ADAM12: variants seen among roughly 807,000 people sequenced by gnomAD.
ADAM12 encodes the protein ADAM metallopeptidase domain 12.
Under a neutral mutation model 106.4 loss-of-function variants are expected in ADAM12, and 70 were observed. That is an observed-to-expected ratio of 0.66 (90% CI 0.54 to 0.80). The LOEUF (loss-of-function observed/expected upper bound fraction) is 0.80, where lower values mean the gene tolerates loss of function less well. ADAM12 is among the 30% of genes least tolerant of loss of function. ADAM12 has a pLI of 0.00. For synonymous variants in ADAM12, 420 were observed against 433.5 expected, an observed-to-expected ratio of 0.97 and a Z score of 0.39; for missense variants, 1,010 against 1,171.9, an observed-to-expected ratio of 0.86 and a Z score of 2.02.
chr10:126,381,338 T>C (rs974029095), intron 1 of ADAM12, among the ~76,000 whole-genome samples: 1 of 152,084 alleles, frequency 6.6e-6, no homozygotes, highest in East Asian at 1.9e-4. Context: ...AAGGGAATAA[T>C]TGTAATAACA....
chr10:126,228,113 G>A (rs1958236205), intron 3 of ADAM12, among the ~76,000 whole-genome samples: 1 of 152,182 alleles, frequency 6.6e-6, no homozygotes, highest in Admixed American at 6.5e-5. Context: ...TAGGACATCT[G>A]ATGGGGAAGC....
At chr10:126,139,909 A>G (rs1956479151) in intron 4 of ADAM12, among the ~76,000 whole-genome samples, 1 of 150,806 alleles carries the variant, frequency 6.6e-6, no homozygotes, top group Non-Finnish European at 1.5e-5. Flanking sequence ...ATTAACTCTT[A>G]GTTGGGTATG....
At chr10:126,311,045 C>T (rs1233901415) in intron 2 of ADAM12, among the ~76,000 whole-genome samples, 1 of 150,956 alleles carries the variant, frequency 6.6e-6, no homozygotes, top group African/African-American at 2.4e-5. Context: ...AATCTCCTGC[C>T]CACCTTTTTA....
At chr10:126,195,229 A>T (rs1437870684) in intron 3 of ADAM12, among the ~76,000 whole-genome samples, 1 of 152,184 alleles carries the variant, frequency 6.6e-6, no homozygotes, top group East Asian at 1.9e-4. Flanking sequence ...AAAATTGCTA[A>T]AAGAATAGAT....
Position 126,043,433 on chromosome 10 carries a change from C to T in ADAM12, c.1996-285G>A, listed in dbSNP as rs980788256. Among the ~76,000 whole-genome samples, 2 of 152,178 alleles carry T rather than the reference C, an allele frequency of 1.3e-5. No individual in the cohort carries two copies. Among genetic ancestry groups the T allele is most frequent in the Non-Finnish European group, 2.9e-5 (2 of 68,026 alleles). On this transcript the variant is annotated intron_variant, in intron 17 of 22. Transcript: ENST00000448723. This position sits in a 1 kb window ranked among gnomAD's most constrained non-coding sequence, Gnocchi z 4.1. ...CCTCCCCCACCCACCTCACTTCCTT[C>T]TCCATCTCCCCATCTTCCTTTTTCA...
At chr10:126,042,344 G>A in intron 18 of ADAM12, 1 of 1,421,294 alleles carries the variant, frequency 7.0e-7, no homozygotes, top group Non-Finnish European at 9.4e-7. Context: ...CATCCGAGGA[G>A]AAATGGCCAC....
intron 2 of ADAM12, among the ~76,000 whole-genome samples, chr10:126,306,570 G>T (rs377658288): frequency 1.3e-5 from 2 of 152,082 alleles, no homozygotes; most frequent in East Asian, 3.9e-4. Context: ...TGTTAGAGAC[G>T]AATTTTATCA....
At chr10:126,122,654 G>A (rs1342689606) in intron 5 of ADAM12, among the ~76,000 whole-genome samples, 3 of 152,142 alleles carry the variant, frequency 2.0e-5, no homozygotes, top group Non-Finnish European at 4.4e-5. Context: ...CCAGCTACTT[G>A]GGAGGCTGAT....
At chr10:126,142,179 G>T (rs1347318146) in intron 4 of ADAM12, among the ~76,000 whole-genome samples, 1 of 152,124 alleles carries the variant, frequency 6.6e-6, no homozygotes, top group East Asian at 1.9e-4. Context: ...CGGTCAGGGA[G>T]ACCCTAATCC....
intron 21 of ADAM12, among the ~76,000 whole-genome samples, chr10:126,034,030 C>T (rs1464667258): frequency 6.6e-6 from 1 of 152,158 alleles, no homozygotes; most frequent in Non-Finnish European, 1.5e-5. Context: ...AGCAAAATTA[C>T]AACATCTGCA....
chr10:126,333,855 G>T (rs1323403409), intron 1 of ADAM12, among the ~76,000 whole-genome samples: 1 of 152,190 alleles, frequency 6.6e-6, no homozygotes, highest in African/African-American at 2.4e-5. Context: ...ATTCGAAGGA[G>T]AATTTAGAAG....
At chr10:126,096,796 GGAT>G (rs1322086112) in intron 10 of ADAM12, among the ~76,000 whole-genome samples, 68 of 152,320 alleles carry the variant, frequency 4.5e-4, no homozygotes, top group African/African-American at 1.6e-3. Context: ...GTGTGTCTAA[GGAT>G]GATGTTAACT....
rs545531518 is a variant in ADAM12 at position 126,337,215 on chromosome 10, T to C, written c.89-6706A>G. Among the ~76,000 whole-genome samples the C allele has an allele frequency of 3.3e-5, 5 of 152,286 alleles. No individual in the cohort carries two copies. In the East Asian group the frequency reaches 7.7e-4, roughly 24 times the overall value. On this transcript the variant is annotated intron_variant, in intron 1 of 22. Transcript: ENST00000448723. ...GCCTCAAAACCAGGGAAGCCAACAG[T>C]GCAGCCTTCAGTCTGCAGCCAAAGG...
chr10:126,030,753 G>T (rs1020040103), intron 21 of ADAM12, among the ~76,000 whole-genome samples: 1 of 152,182 alleles, frequency 6.6e-6, no homozygotes, highest in Admixed American at 6.6e-5. Context: ...TGATGCCAAA[G>T]AAAGTTCAGC....
At chr10:126,041,032 T>A (rs926540528) in intron 18 of ADAM12, among the ~76,000 whole-genome samples, 2 of 152,136 alleles carry the variant, frequency 1.3e-5, no homozygotes, top group African/African-American at 4.8e-5. Context: ...TCAGAATGCA[T>A]GTTTCCCTCG....
chr10:126,242,530 C>T (rs1278422353), intron 3 of ADAM12, among the ~76,000 whole-genome samples: 1 of 152,188 alleles, frequency 6.6e-6, no homozygotes, highest in Non-Finnish European at 1.5e-5. Flanking sequence ...GGTTACTTCC[C>T]TTCCATGAGA....
chr10:126,260,011 T>A (rs1235169664), intron 3 of ADAM12, among the ~76,000 whole-genome samples: 1 of 152,204 alleles, frequency 6.6e-6, no homozygotes, highest in Non-Finnish European at 1.5e-5. Flanking sequence ...GCTGGGATGA[T>A]CTCCCAGAGG....
chr10:126,215,048 G>A (rs963330245), intron 3 of ADAM12, among the ~76,000 whole-genome samples: 2 of 152,292 alleles, frequency 1.3e-5, no homozygotes, highest in Middle Eastern at 3.4e-3. Context: ...CCTGGGGCTG[G>A]CTTTGGAGGT....
intron 3 of ADAM12, among the ~76,000 whole-genome samples, chr10:126,247,712 A>G (rs571415876): frequency 3.9e-4 from 60 of 152,344 alleles, no homozygotes; most frequent in Non-Finnish European, 7.4e-4. Flanking sequence ...TTTTGGTAAT[A>G]GTAAAAATGT....
Sources: allele counts gnomAD v4.1 joint callset (sites outside exome capture counted in the v4.1 genomes callset), GRCh38; gene constraint gnomAD v4.1.1; non-coding constraint Gnocchi (gnomAD v3.1); transcripts MANE v1.5; gene names NCBI Gene and HGNC (gene_info 2026-07-23, HGNC 2026-07-21).